PCDHA4: variants seen among roughly 807,000 people sequenced by gnomAD.
PCDHA4 encodes the protein protocadherin alpha 4, also known as protocadherin alpha-4.
Under a neutral mutation model 61.4 loss-of-function variants are expected in PCDHA4, and 49 were observed. The observed-to-expected ratio is 0.80, with a 90% confidence interval of 0.63 to 1.01. PCDHA4 has a LOEUF of 1.01. Among genes scored for constraint, PCDHA4 ranks in the 50% least tolerant of loss-of-function variants. The pLI, the probability that PCDHA4 is intolerant of heterozygous loss-of-function variation, is 0.00. For missense variants in PCDHA4, 1,254 were observed against 1,235.8 expected, an observed-to-expected ratio of 1.01 and a Z score of -0.22; for synonymous variants, 590 against 550.3, an observed-to-expected ratio of 1.07 and a Z score of -1.01.
At chr5:140,938,897 G>T (rs72800999) in intron 1 of PCDHA4, among the ~76,000 whole-genome samples, 1 of 151,198 alleles carries the variant, frequency 6.6e-6, no homozygotes, top group East Asian at 1.9e-4. Context: ...ACACAGATGC[G>T]CACACACACA....
At chr5:140,818,933 T>G (rs1766460810) in intron 1 of PCDHA4, among the ~76,000 whole-genome samples, 1 of 152,224 alleles carries the variant, frequency 6.6e-6, no homozygotes. Flanking sequence ...TGAGATTATT[T>G]GACATGAACA....
intron 3 of PCDHA4, among the ~76,000 whole-genome samples, chr5:140,989,839 A>G (rs2097362613): frequency 6.6e-6 from 1 of 152,166 alleles, no homozygotes; most frequent in Admixed American, 6.5e-5. Context: ...CCTGTCAATG[A>G]GTGTGTGGAC....
At chr5:140,862,765 T>A in intron 1 of PCDHA4, 1 of 576,704 alleles carries the variant, frequency 1.7e-6, no homozygotes. Context: ...CGGCAAGAGG[T>A]ACGCGTTGCA....
chr5:140,977,464 T>C (rs1245985019), intron 1 of PCDHA4, among the ~76,000 whole-genome samples: 1 of 152,256 alleles, frequency 6.6e-6, no homozygotes, highest in Non-Finnish European at 1.5e-5. Flanking sequence ...TGATTTGGTC[T>C]GTAGATAATT....
chr5:140,878,342 CAAT>C (rs1416409658), intron 1 of PCDHA4, among the ~76,000 whole-genome samples: 2 of 152,076 alleles, frequency 1.3e-5, no homozygotes, highest in Non-Finnish European at 2.9e-5. Flanking sequence ...GGTATTATCA[CAAT>C]AATATAAATG....
intron 1 of PCDHA4, chr5:140,823,184 G>A: frequency 6.2e-7 from 1 of 1,613,874 alleles, no homozygotes. Flanking sequence ...AACCCGCCAG[G>A]CTGCCACATC....
intron 1 of PCDHA4, among the ~76,000 whole-genome samples, chr5:140,826,625 C>T (rs1180979712): frequency 6.6e-6 from 1 of 151,940 alleles, no homozygotes; most frequent in South Asian, 2.1e-4. Context: ...TGATATTTGG[C>T]CCTGACTTTT....
At chr5:140,967,669 G>T (rs782398219) in intron 1 of PCDHA4, 1 of 1,614,126 alleles carries the variant, frequency 6.2e-7, no homozygotes, top group Non-Finnish European at 8.5e-7. Context: ...GCTACACGTC[G>T]GACCGGGAGA....
chr5:140,941,225 T>TTC (rs2092914120), intron 1 of PCDHA4, among the ~76,000 whole-genome samples: 17 of 138,026 alleles, frequency 1.2e-4, no homozygotes, highest in African/African-American at 4.7e-4. Context: ...CTTTCTTTCT[T>TTC]TCTTTCTTTC....
chr5:140,822,213 G>T lies in PCDHA4; in HGVS notation c.2385+12641G>T, dbSNP rs2150114567. The T allele has an allele frequency of 2.1e-3, 3,442 of 1,614,222 alleles. 3 individuals are homozygous for T. The highest frequency in any genetic ancestry group is 2.7e-3 in the Non-Finnish European group (3,134 of 1,180,036). ...GATTATTCATTTTAGAGTCAAGAAT[G>T]CCAGATTCGCGGTTTCCGCTAGAGG... On this transcript the variant is annotated intron_variant, in intron 1 of 3. Coordinates refer to ENST00000530339, the MANE Select transcript of PCDHA4 (RefSeq NM_018907.4).
chr5:140,808,312 C>T lies in PCDHA4; in HGVS notation c.1125C>T (p.Ser375=), dbSNP rs1330097082. 1 of 1,614,124 alleles carries T rather than the reference C, an allele frequency of 6.2e-7. No individual in the cohort carries two copies. The highest frequency in any genetic ancestry group is 2.2e-5 in the East Asian group (1 of 44,898). Reference sequence around the variant, plus strand: ...CAGTCATCGCCCTGATCAGCGTGTCCGACAAAGACATGGGTGTCAATGGGC... The same window carrying T: ...CAGTCATCGCCCTGATCAGCGTGTCTGACAAAGACATGGGTGTCAATGGGC... ...LGTVIALISV[S]DKDMGVNGLV... The change falls in exon 1 of 4, where the codon TCC becomes TCT. Residue 375 remains serine (S), a synonymous_variant. Coordinates refer to ENST00000530339, the MANE Select transcript of PCDHA4 (RefSeq NM_018907.4).
intron 1 of PCDHA4, among the ~76,000 whole-genome samples, chr5:140,886,624 G>A (rs1204732273): frequency 6.6e-6 from 1 of 151,636 alleles, no homozygotes; most frequent in African/African-American, 2.4e-5. Context: ...TCAGGAGTCC[G>A]AGACCAGCCT....
intron 1 of PCDHA4, chr5:140,841,800 C>T (rs2150322954): frequency 6.2e-7 from 1 of 1,613,890 alleles, no homozygotes. Context: ...GCGTCCGATG[C>T]AGATGTTGGA....
chr5:140,842,835 C>T (rs146745311), intron 1 of PCDHA4: 10 of 1,593,736 alleles, frequency 6.3e-6, no homozygotes, highest in African/African-American at 1.3e-5. Flanking sequence ...CGCTCGCTGT[C>T]GAGCTACATT....
chr5:140,829,000 G>A, intron 1 of PCDHA4: 1 of 1,613,886 alleles, frequency 6.2e-7, no homozygotes, highest in Non-Finnish European at 8.5e-7. Context: ...GAGAAATAGT[G>A]ATTCGGGGTA....
intron 1 of PCDHA4, among the ~76,000 whole-genome samples, chr5:140,943,845 C>A (rs59104695): frequency 3.3e-5 from 5 of 152,226 alleles, no homozygotes; most frequent in Admixed American, 1.3e-4. Flanking sequence ...TGTAAGATGT[C>A]ACAGAAGTCA....
At chr5:140,969,994 CAGAG>C (rs1406079395) in intron 1 of PCDHA4, among the ~76,000 whole-genome samples, 2 of 152,032 alleles carry the variant, frequency 1.3e-5, no homozygotes, top group Non-Finnish European at 1.5e-5. Context: ...AGAGGGCTGT[CAGAG>C]GGAGTGGATG....
chr5:140,851,028 C>T lies in PCDHA4; in HGVS notation c.2385+41456C>T, dbSNP rs574627365. The T allele has an allele frequency of 7.8e-6, 11 of 1,410,018 alleles. 1 individual carries two copies. The highest frequency in any genetic ancestry group is 3.7e-5 in the South Asian group (2 of 54,752). 87.3% of individuals were successfully genotyped at this position (1,410,018 alleles called of 1,614,324 possible). ...GATTTTTTTTCTGATAAAGTAAACC[C>T]CTTAACATTGGAGCCGACTTTGTCT... On this transcript the variant is annotated intron_variant, in intron 1 of 3. Transcript: ENST00000530339.
intron 1 of PCDHA4, chr5:140,856,304 A>C (rs782114957): frequency 1.3e-5 from 21 of 1,598,432 alleles, no homozygotes; most frequent in Non-Finnish European, 1.8e-5. Flanking sequence ...TTTGTTTGTG[A>C]ATTCTCGGAT....
Sources: gnomAD v4.1 joint callset for allele counts (sites outside exome capture counted in the v4.1 genomes callset) on GRCh38, gnomAD v4.1.1 for gene constraint, MANE v1.5 for transcripts, NCBI Gene and HGNC (gene_info 2026-07-23, HGNC 2026-07-21) for gene names.